Variants in ZMYM2 observed in about 807,000 individuals in gnomAD.
The protein encoded by ZMYM2 is zinc finger MYM-type containing 2, also known as zinc finger MYM-type protein 2.
In ZMYM2, 56 loss-of-function variants were observed where a neutral mutation model predicts 162.8. The ratio of observed to expected loss-of-function variants is 0.34; its 90% confidence interval spans 0.28 to 0.43. The LOEUF (loss-of-function observed/expected upper bound fraction) is 0.43. Among genes scored for constraint, ZMYM2 ranks in the 20% least tolerant of loss-of-function variants. The probability of loss-of-function intolerance (pLI) is 1.00; values close to 1 mark genes in which losing one functional copy is unlikely to be tolerated. For synonymous variants in ZMYM2, 510 were observed against 541.6 expected (o/e 0.94, Z 0.81); for missense variants, 1,275 against 1,621.8 (o/e 0.79, Z 3.67).
the ZMYM2 span, among the ~76,000 whole-genome samples, chr13:19,882,960 A>G: frequency 1.3e-5 from 2 of 152,208 alleles, no homozygotes; most frequent in African/African-American, 4.8e-5. Flanking sequence ...ATCAATTTTT[A>G]TACAGTACTA....
chr13:19,945,352 A>G, the ZMYM2 span, among the ~76,000 whole-genome samples: 1 of 152,012 alleles, frequency 6.6e-6, no homozygotes, highest in African/African-American at 2.4e-5. Context: ...CCCGGGTTCA[A>G]GCAATTATCG....
In ZMYM2 at chr13:20,061,051, A is replaced by T; in HGVS notation, c.2740-2A>T. On this transcript the variant is annotated splice_acceptor_variant, in intron 16 of 24. Coordinates refer to ENST00000610343, the MANE Select transcript of ZMYM2 (RefSeq NM_197968.4). LOFTEE classifies it high-confidence loss of function. Reference sequence around the variant, plus strand: ...CTAACTCAAAATGATTTGGTTAATTAGGTGCCAGTTCCTGTTTTTCTGCCT... The same window carrying T: ...CTAACTCAAAATGATTTGGTTAATTTGGTGCCAGTTCCTGTTTTTCTGCCT... The T allele has an allele frequency of 6.2e-7, 1 of 1,607,012 alleles. No individual in the cohort carries two copies. Among genetic ancestry groups the T allele is most frequent in the Non-Finnish European group, 8.5e-7 (1 of 1,176,418 alleles).
At chr13:20,043,447 G>A (rs1954463729) in intron 12 of ZMYM2, among the ~76,000 whole-genome samples, 1 of 152,214 alleles carries the variant, frequency 6.6e-6, no homozygotes, top group African/African-American at 2.4e-5. Flanking sequence ...TGGATGCAAT[G>A]TGGCTAGGGG....
At chr13:20,020,396 G>A (rs1048587786) in intron 7 of ZMYM2, among the ~76,000 whole-genome samples, 12 of 152,000 alleles carry the variant, frequency 7.9e-5, no homozygotes, top group Non-Finnish European at 1.2e-4. Flanking sequence ...CACCACACCC[G>A]GCTAATTTTG....
chr13:19,965,749 G>T (rs1955695796), intron 2 of ZMYM2, among the ~76,000 whole-genome samples: 1 of 148,894 alleles, frequency 6.7e-6, no homozygotes, highest in African/African-American at 2.5e-5. Context: ...ATTATTTCTG[G>T]CCCTGATATG....
chr13:20,046,564 A>ATATATAT (rs1555317284), intron 12 of ZMYM2, among the ~76,000 whole-genome samples: 57 of 103,862 alleles, frequency 5.5e-4, no homozygotes, highest in South Asian at 2.2e-3. Context: ...TAAAAAAAAA[A>ATATATAT]ATATATATAT....
chr13:20,020,292 C>T (rs1231431738), intron 7 of ZMYM2, among the ~76,000 whole-genome samples: 5 of 148,236 alleles, frequency 3.4e-5, no homozygotes, highest in Non-Finnish European at 5.9e-5. Flanking sequence ...TGGAGTGCAA[C>T]GGCACCATCT....
intron 14 of ZMYM2, among the ~76,000 whole-genome samples, chr13:20,053,665 C>CA (rs982363509): frequency 1.3e-5 from 2 of 151,454 alleles, no homozygotes; most frequent in Non-Finnish European, 2.9e-5. Flanking sequence ...TTAACAACAA[C>CA]AAAAAAAAGT....
At chr13:20,067,472 C>T in intron 21 of ZMYM2, 82 bp downstream of exon 21, 2 of 1,344,236 alleles carry the variant, frequency 1.5e-6, no homozygotes, top group Non-Finnish European at 2.0e-6. Flanking sequence ...CATTATGGAA[C>T]CTTTATTGAC....
intron 6 of ZMYM2, among the ~76,000 whole-genome samples, chr13:20,008,546 T>C (rs1950925061): frequency 6.6e-6 from 1 of 152,246 alleles, no homozygotes. Context: ...AGCCTCAGAA[T>C]GTATCTCTCA....
intron 2 of ZMYM2, among the ~76,000 whole-genome samples, chr13:19,987,573 G>GTGTA: frequency 1.1e-5 from 1 of 93,964 alleles, no homozygotes; most frequent in Non-Finnish European, 2.1e-5. Flanking sequence ...GCCCCGCTAC[G>GTGTA]TGTGTGTGTG....
At chr13:19,877,028 T>C in the ZMYM2 span, among the ~76,000 whole-genome samples, 1 of 152,002 alleles carries the variant, frequency 6.6e-6, no homozygotes, top group Non-Finnish European at 1.5e-5. Context: ...ATCGAGACCA[T>C]GGTGAAACCC....
At chr13:19,920,190 T>A in the ZMYM2 span, among the ~76,000 whole-genome samples, 1 of 152,144 alleles carries the variant, frequency 6.6e-6, no homozygotes, top group Non-Finnish European at 1.5e-5. Context: ...GTACTAATCC[T>A]CTAGGACAGA....
chr13:20,051,710 A>C, intron 13 of ZMYM2, 112 bp downstream of exon 13: 1 of 1,071,070 alleles, frequency 9.3e-7, no homozygotes, highest in Non-Finnish European at 1.3e-6. Flanking sequence ...CTTAACAGCA[A>C]CTTAAATTCC....
At chr13:20,057,683 ATTG>A (rs1955909227) in intron 14 of ZMYM2, among the ~76,000 whole-genome samples, 2 of 152,194 alleles carry the variant, frequency 1.3e-5, no homozygotes, top group Non-Finnish European at 2.9e-5. Context: ...CTAATGAAAT[ATTG>A]TTTTATTATT....
In ZMYM2 at chr13:19,993,146, C is replaced by T. The variant is rs1949758247; in HGVS notation, c.74C>T (p.Ala25Val). Residue 25 changes from alanine (A) to valine (V), a missense_variant, in exon 3 of 25, where the codon GCA becomes GTA. Around this residue, in one of 10 missense-constraint regions of ZMYM2, gnomAD observed 295 missense variants for 286.7 expected, o/e 1.03. Transcript: ENST00000610343. ...TPVLLGSTAMATSLTNVGNSF... is the reference protein window; with the variant it reads ...TPVLLGSTAMVTSLTNVGNSF... ...GTTTTATTAGGGAGTACGGCCATGG[C>T]AACTAGTCTCACGAATGTAGGAAAC... 6.2e-7 allele frequency: 1 copy of T among 1,613,956 alleles called. No individual in the cohort carries two copies. Among genetic ancestry groups the T allele is most frequent in the South Asian group, 1.1e-5 (1 of 91,078 alleles).
At chr13:19,866,055 T>TTTC in the ZMYM2 span, among the ~76,000 whole-genome samples, 5 of 152,012 alleles carry the variant, frequency 3.3e-5, no homozygotes, top group East Asian at 9.7e-4. Context: ...GATTTTTTTT[T>TTTC]TTTGAGAATT....
intron 2 of ZMYM2, among the ~76,000 whole-genome samples, chr13:19,963,809 A>G (rs1955497297): frequency 6.6e-6 from 1 of 152,118 alleles, no homozygotes; most frequent in Admixed American, 6.6e-5. Context: ...TGCAGAATGA[A>G]TTTTCGTAAA....
the ZMYM2 span, among the ~76,000 whole-genome samples, chr13:19,936,598 T>C: frequency 1.3e-5 from 2 of 152,130 alleles, no homozygotes; most frequent in African/African-American, 4.8e-5. Flanking sequence ...GGCAGGCACC[T>C]GTAATCCCAG....
Sources: gnomAD v4.1 joint callset for allele counts (sites outside exome capture counted in the v4.1 genomes callset) on GRCh38, gnomAD v4.1.1 for gene constraint, gnomAD v4.1.1 regional missense constraint, MANE v1.5 for transcripts, NCBI Gene and HGNC (gene_info 2026-07-23, HGNC 2026-07-21) for gene names.